Variants in NLRP5 observed in about 807,000 individuals in gnomAD.
NLRP5 encodes the protein NLR family pyrin domain containing 5, also known as NACHT, LRR and PYD domains-containing protein 5.
NLRP5 carries 93 observed loss-of-function variants against 113.1 expected under a neutral mutation model. The observed-to-expected ratio is 0.82, with a 90% CI of 0.70 to 0.98. NLRP5 has a LOEUF of 0.98. Ranked by LOEUF, NLRP5 falls within the 50% of genes least tolerant of loss-of-function variation. The pLI is 0.00. For missense variants in NLRP5, 1,808 were observed against 1,514.3 expected (o/e 1.19, Z -3.22); for synonymous variants, 751 against 600.7 (o/e 1.25, Z -3.66).
chr19:56,000,207 G>A (rs60062723), intron 1 of NLRP5, among the ~76,000 whole-genome samples: 14,643 of 140,164 alleles, frequency 0.1, 1,250 homozygotes, highest in East Asian at 0.17. Context: ...ACAGTTGTCC[G>A]AGGACTGCCA....
chr19:56,021,612 C>T (rs752248105), intron 6 of NLRP5, among the ~76,000 whole-genome samples: 1 of 152,178 alleles, frequency 6.6e-6, no homozygotes, highest in Non-Finnish European at 1.5e-5. Context: ...TTTCACTTGG[C>T]ATAAAGTTCC....
At chr19:55,987,732 T>G in the NLRP5 span, 8 of 1,014,160 alleles carry the variant, frequency 7.9e-6, no homozygotes, top group East Asian at 1.7e-4. Context: ...AGAAAAAGCA[T>G]AGAGACAAAA....
intron 4 of NLRP5, 91 bp downstream of exon 4, chr19:56,015,889 T>C: frequency 7.6e-6 from 7 of 915,786 alleles, no homozygotes; most frequent in Non-Finnish European, 1.1e-5. Flanking sequence ...GGAAATCCAC[T>C]TTCCCTTTCT....
In NLRP5 at chr19:56,027,940, C is replaced by T; in HGVS notation, c.1707C>T (p.Ile569=). 6.2e-7 allele frequency: 1 copy of T among 1,613,876 alleles called. No individual in the cohort carries two copies. Reference sequence around the variant, plus strand: ...TCCGTGCTCTGTTTCACATGAACATCCTTCTCCCAGACAGCCACTGTGAGG... The same window carrying T: ...TCCGTGCTCTGTTTCACATGAACATTCTTCTCCCAGACAGCCACTGTGAGG... Residue 569 remains isoleucine (I), a synonymous_variant, in exon 7 of 15, where the codon ATC becomes ATT. Transcript: ENST00000390649.
Position 56,027,908 on chromosome 19 carries a change from T to C in NLRP5, c.1675T>C (p.Ser559Pro), listed in dbSNP as rs1982935536. ...CCTCATGGTTCAAGGACTCGGGGAG[T>C]CTGAGCTCCGTGCTCTGTTTCACAT... The change falls in exon 7 of 15, where the codon TCT (serine) becomes CCT (proline). Residue 559 changes from serine (S) to proline (P), a missense_variant. Coordinates refer to ENST00000390649, the MANE Select transcript of NLRP5 (RefSeq NM_153447.4). 1.9e-6 allele frequency: 3 copies of C among 1,613,314 alleles called. No individual in the cohort carries two copies. The highest frequency in any genetic ancestry group is 2.5e-6 in the Non-Finnish European group (3 of 1,179,792).
At chr19:55,989,348 C>T in the NLRP5 span, among the ~76,000 whole-genome samples, 26 of 152,016 alleles carry the variant, frequency 1.7e-4, no homozygotes, top group African/African-American at 6.3e-4. Context: ...CTCCGCCTCC[C>T]AGGTTCAAGC....
rs1409431305 is a variant in NLRP5, at chr19:56,001,662, T to A, written c.62+1875T>A. On this transcript the variant is annotated intron_variant, in intron 1 of 14. Coordinates refer to ENST00000390649, the MANE Select transcript of NLRP5 (RefSeq NM_153447.4). ...CAAAAATCCGTGTTAACAGAAACCC[T>A]ACAGGCTGATTTTTACTTTGGTGGG... Among the ~76,000 whole-genome samples the A allele has an allele frequency of 2.6e-5, 4 of 152,116 alleles. No individual in the cohort carries two copies. The East Asian group carries it at 7.7e-4, about 29-fold the overall frequency.
At chr19:56,013,596 G>GTTTGTTT (rs1982287119) in intron 3 of NLRP5, among the ~76,000 whole-genome samples, 1 of 59,284 alleles carries the variant, frequency 1.7e-5, no homozygotes, top group Non-Finnish European at 2.9e-5. Context: ...GGACATTTGG[G>GTTTGTTT]TTTTTTTTTT....
At chr19:56,053,575 C>T in intron 12 of NLRP5, 63 bp from the exon 13 acceptor site, 2 of 1,456,838 alleles carry the variant, frequency 1.4e-6, no homozygotes, top group Non-Finnish European at 9.4e-7. Context: ...GCTGCTGAAC[C>T]TTCTCCCGCT....
At chr19:56,038,312 G>A (rs1052350299) in intron 10 of NLRP5, 117 bp downstream of exon 10, 1 of 1,178,532 alleles carries the variant, frequency 8.5e-7, no homozygotes, top group East Asian at 2.4e-5. Flanking sequence ...CAGGGGTGAG[G>A]AAGGAAGTTG....
intron 2 of NLRP5, among the ~76,000 whole-genome samples, chr19:56,008,177 C>T (rs1257215120): frequency 6.6e-6 from 1 of 151,698 alleles, no homozygotes; most frequent in Non-Finnish European, 1.5e-5. Flanking sequence ...ATCCACCTGC[C>T]TCAGCCTCCT....
At chr19:56,051,170 T>A (rs1429152419) in intron 12 of NLRP5, among the ~76,000 whole-genome samples, 2 of 152,078 alleles carry the variant, frequency 1.3e-5, no homozygotes, top group South Asian at 2.1e-4. Context: ...TTAATGCAAC[T>A]TAATGCGTTC....
At chr19:56,018,400 G>C (rs1364157422) in intron 4 of NLRP5, among the ~76,000 whole-genome samples, 1 of 152,178 alleles carries the variant, frequency 6.6e-6, no homozygotes, top group African/African-American at 2.4e-5. Context: ...TTCTCAGTCA[G>C]TGGTAGCTAC....
chr19:56,001,777 C>T (rs1439822836), intron 1 of NLRP5, among the ~76,000 whole-genome samples: 1 of 152,174 alleles, frequency 6.6e-6, no homozygotes, highest in African/African-American at 2.4e-5. Flanking sequence ...AGATGTCAAG[C>T]AAGGGTGATC....
At chr19:56,033,475 G>A (rs1001409737) in intron 8 of NLRP5, 67 bp from the exon 9 acceptor site, 11 of 1,251,394 alleles carry the variant, frequency 8.8e-6, no homozygotes, top group African/African-American at 4.5e-5. Flanking sequence ...GAGAAGGATG[G>A]GAAGGAAAAA....
chr19:56,026,442 G>A (rs534924109), intron 6 of NLRP5, among the ~76,000 whole-genome samples: 30 of 146,346 alleles, frequency 2.0e-4, no homozygotes, highest in Admixed American at 5.6e-4. Context: ...GCAGGAGAAT[G>A]GGGTGAACCC....
chr19:56,005,245 ACATATATATT>A (rs1981828245), intron 2 of NLRP5, among the ~76,000 whole-genome samples: 3 of 139,824 alleles, frequency 2.1e-5, no homozygotes, highest in Admixed American at 7.5e-5. Context: ...ATATATACAC[ACATATATATT>A]TATATATACA....
At chr19:55,997,246 G>C (rs377516189), upstream of NLRP5, among the ~76,000 whole-genome samples, 6 of 151,998 alleles carry the variant, frequency 3.9e-5, no homozygotes, top group East Asian at 1.2e-3. Flanking sequence ...CTTGATGATC[G>C]TGTGGTTTTT....
In NLRP5 at chr19:56,027,613, C is replaced by A. The variant is rs745740832; in HGVS notation, c.1380C>A (p.Asn460Lys). 8.7e-6 allele frequency: 14 copies of A among 1,613,670 alleles called. No individual in the cohort carries two copies. Among genetic ancestry groups the A allele is most frequent in the Admixed American group, 3.3e-5 (2 of 60,004 alleles). The change falls in exon 7 of 15, where the codon AAC becomes AAA. Residue 460 changes from asparagine (N) to lysine (K), a missense_variant. Transcript: ENST00000390649. ...CACAAGGGTTGCGTGCGATCATGAA[C>A]AACCGTGAGCTGCTCGACCAGTGCC...
Sources: allele counts gnomAD v4.1 joint callset (sites outside exome capture counted in the v4.1 genomes callset), GRCh38; gene constraint gnomAD v4.1.1; transcripts MANE v1.5; gene names NCBI Gene and HGNC (gene_info 2026-07-23, HGNC 2026-07-21).